ZNF644: variants seen among roughly 807,000 people sequenced by gnomAD.
ZNF644 encodes zinc finger protein 644.
ZNF644 carries 20 observed loss-of-function variants against 108.0 expected under a neutral mutation model. That is an observed-to-expected ratio of 0.19 (90% CI 0.13 to 0.27). ZNF644 has a LOEUF of 0.27. Among genes scored for constraint, ZNF644 ranks in the 10% least tolerant of loss-of-function variants. ZNF644 has a pLI of 1.00. For synonymous variants in ZNF644, 542 were observed against 539.1 expected (o/e 1.01, Z -0.08); for missense variants, 1,338 against 1,548.9 (o/e 0.86, Z 2.29).
chr1:90,939,835 A>T lies in ZNF644; in HGVS notation c.1519T>A (p.Cys507Ser). 6.2e-7 allele frequency: 1 copy of T among 1,614,000 alleles called. No homozygotes were observed. Among genetic ancestry groups the T allele is most frequent in the Non-Finnish European group, 8.5e-7 (1 of 1,179,928 alleles). Residue 507 changes from cysteine (C) to serine (S), a missense_variant, in exon 3 of 6, where the codon TGC (cysteine) becomes AGC (serine). Transcript: ENST00000337393. ...GCATGTTGCACAAATGTTTTAGGGC[A>T]ATTGGTACCAAACACACACTGAGGA... Reference protein sequence around the residue: ...QCPQCVFGTNCPKTFVQHAKT... With the variant: ...QCPQCVFGTNSPKTFVQHAKT...
chr1:90,998,692 G>T (rs938130311), intron 1 of ZNF644, among the ~76,000 whole-genome samples: 24 of 152,310 alleles, frequency 1.6e-4, no homozygotes, highest in African/African-American at 5.8e-4. Context: ...GAACAAAGCT[G>T]GACAGAGAAT....
Position 90,939,055 on chromosome 1 carries a change from T to C in ZNF644, c.2299A>G (p.Ser767Gly). 2 of 1,614,074 alleles carry C rather than the reference T, an allele frequency of 1.2e-6. No individual in the cohort carries two copies. Among genetic ancestry groups the C allele is most frequent in the East Asian group, 4.5e-5 (2 of 44,880 alleles). ...YPVHFKKEEA[S>G]SLNSLHLFSS... ...AACAGGTGTAAAGAATTTAATGAAC[T>C]AGCTTCTTCTTTTTTGAAATGCACA... Residue 767 changes from serine to glycine, a missense_variant, in exon 3 of 6, where the codon AGT becomes GGT. Ser to Gly is a moderately conservative substitution (Grantham distance 56). Around this residue, in one of 6 missense-constraint regions of ZNF644, gnomAD observed 462 missense variants for 472.6 expected, o/e 0.98. Transcript: ENST00000337393.
Position 90,938,682 on chromosome 1 carries a change from G to A in ZNF644, c.2672C>T (p.Pro891Leu). The change falls in exon 3 of 6, where the codon CCT (proline) becomes CTT (leucine). Residue 891 changes from proline (P) to leucine (L), a missense_variant. Pro to Leu is a moderately conservative substitution (Grantham distance 98). Coordinates refer to ENST00000337393, the MANE Select transcript of ZNF644 (RefSeq NM_201269.3). The surrounding 1 kb of genome is among the most constrained non-coding windows in gnomAD (Gnocchi z 4.2). The stretch of plus-strand genomic sequence containing the variant: ...ACCTTCCACTTTGCTCTTAAATAAA[G>A]GGAATAAATTTACATGCTCTTGATT... The part of the protein sequence containing the change: ...DINQEHVNLF[P>L]LFKSKVEGQE... 6.2e-7 allele frequency: 1 copy of A among 1,612,104 alleles called. No homozygotes were observed. Among genetic ancestry groups the A allele is most frequent in the Non-Finnish European group, 8.5e-7 (1 of 1,179,558 alleles).
At chr1:90,996,253 G>A (rs1047104266) in intron 1 of ZNF644, among the ~76,000 whole-genome samples, 1 of 152,102 alleles carries the variant, frequency 6.6e-6, no homozygotes, top group African/African-American at 2.4e-5. Context: ...TCAACAGTAG[G>A]ATATAAGCAA....
At chr1:91,012,863 G>A (rs1660084595) in intron 1 of ZNF644, among the ~76,000 whole-genome samples, 1 of 152,060 alleles carries the variant, frequency 6.6e-6, no homozygotes, top group African/African-American at 2.4e-5. Context: ...TTAAAAACAA[G>A]TAACCAATTA....
At chr1:90,956,383 G>A (rs1480058362) in intron 2 of ZNF644, among the ~76,000 whole-genome samples, 2 of 152,168 alleles carry the variant, frequency 1.3e-5, no homozygotes, top group Non-Finnish European at 2.9e-5. Flanking sequence ...TATACGAAAA[G>A]CACAATAAAT....
At chr1:90,968,433 G>T (rs552927913) in intron 2 of ZNF644, among the ~76,000 whole-genome samples, 6 of 152,210 alleles carry the variant, frequency 3.9e-5, no homozygotes, top group South Asian at 2.1e-4. Context: ...TCGGTTTTGG[G>T]GGGGGAGCCT....
At chr1:90,981,416 A>ACC (rs1019432065) in intron 2 of ZNF644, among the ~76,000 whole-genome samples, 8 of 152,084 alleles carry the variant, frequency 5.3e-5, no homozygotes, top group African/African-American at 1.9e-4. Flanking sequence ...ACATGCCCAA[A>ACC]CCACTGACTG....
chr1:90,944,009 T>A lies in ZNF644; in HGVS notation c.45-2700A>T, dbSNP rs944904629. On this transcript the variant is annotated intron_variant, in intron 2 of 5. Transcript: ENST00000337393. The stretch of plus-strand genomic sequence containing the variant: ...TATTATAATCACAGAGGTGGACAAA[T>A]ATATGCTAAGTCAATTTGAAAGCCT... Among the ~76,000 whole-genome samples, 3 of 152,202 alleles carry A rather than the reference T, an allele frequency of 2.0e-5. No homozygotes were observed. In the East Asian group the frequency reaches 5.8e-4, roughly 29 times the overall value.
intron 1 of ZNF644, among the ~76,000 whole-genome samples, chr1:90,983,667 C>G (rs1656799717): frequency 6.6e-6 from 1 of 152,070 alleles, no homozygotes; most frequent in Admixed American, 6.6e-5. Flanking sequence ...TGGCTCACAC[C>G]TGTAATCCCA....
In ZNF644 at chr1:90,969,148, A is replaced by G. The variant is rs554749444; in HGVS notation, c.44+13162T>C. The stretch of plus-strand genomic sequence containing the variant: ...TGTTGAAGCCCTAGTACAAAGTTAA[A>G]ATGAAGCCATTAGGGTAGGCCCTAA... On this transcript the variant is annotated intron_variant, in intron 2 of 5. Transcript: ENST00000337393. Among the ~76,000 whole-genome samples, 79 of 152,308 alleles carry G rather than the reference A, an allele frequency of 5.2e-4. 1 individual carries two copies. The South Asian group carries it at 0.015, about 29-fold the overall frequency.
chr1:90,984,148 G>A (rs922913341), intron 1 of ZNF644, among the ~76,000 whole-genome samples: 2 of 152,130 alleles, frequency 1.3e-5, no homozygotes, highest in Non-Finnish European at 1.5e-5. Context: ...CTGGCCTCCA[G>A]AACTGTGAGA....
chr1:90,917,005 C>T lies in ZNF644; in HGVS notation c.3792-15G>A. 1 of 1,613,690 alleles carries T rather than the reference C, an allele frequency of 6.2e-7. No homozygotes were observed. Among genetic ancestry groups the T allele is most frequent in the Admixed American group, 1.7e-5 (1 of 60,010 alleles). On this transcript the variant is annotated splice_polypyrimidine_tract_variant and intron_variant, in intron 5 of 5. Transcript: ENST00000337393. ...GGCCACAAAACCTACAGAAAGATAACAATTCTCTTAACATGACCAATTCTC... is the reference window on the plus strand; with the variant it reads ...GGCCACAAAACCTACAGAAAGATAATAATTCTCTTAACATGACCAATTCTC...
chr1:90,939,310 G>A lies in ZNF644; in HGVS notation c.2044C>T (p.His682Tyr). The change falls in exon 3 of 6, where the codon CAC becomes TAC. Residue 682 changes from histidine (H) to tyrosine (Y), a missense_variant. This residue lies in a region of ZNF644 where 462 missense variants were observed against 472.6 expected (regional missense o/e 0.98). Transcript: ENST00000337393. ...CTTTTCCGAGCTTTCTGTATTCTGT[G>A]TGGCCGCTTATGAATTTTTGAAAAA... ...SSFSKIHKRP[H>Y]RIQKARKSIA... 1 of 1,613,964 alleles carries A rather than the reference G, an allele frequency of 6.2e-7. No individual in the cohort carries two copies. Among genetic ancestry groups the A allele is most frequent in the Non-Finnish European group, 8.5e-7 (1 of 1,179,928 alleles).
At chr1:90,997,699 G>A (rs886169235) in intron 1 of ZNF644, among the ~76,000 whole-genome samples, 6 of 152,156 alleles carry the variant, frequency 3.9e-5, no homozygotes, top group African/African-American at 1.4e-4. Flanking sequence ...GGGAGTGGTG[G>A]ACAGTGGGTG....
In ZNF644 at chr1:90,939,223, T is replaced by C. The variant is rs377547958; in HGVS notation, c.2131A>G (p.Ile711Val). The change falls in exon 3 of 6, where the codon ATT becomes GTT. Residue 711 changes from isoleucine (I) to valine (V), a missense_variant. Physicochemically the swap from Ile to Val is conservative, Grantham distance 29. Around this residue, in one of 6 missense-constraint regions of ZNF644, gnomAD observed 462 missense variants for 472.6 expected, o/e 0.98. Transcript: ENST00000337393. ...GGTTTTTGGTCAACGCTGCTTTTAA[T>C]TGTAACATTCTTATGAGGAGAGCTG... is the stretch of plus-strand genomic sequence containing the variant. ...QNSSPHKNVT[I>V]KSSVDQKPKY... 266 of 1,614,058 alleles carry C rather than the reference T, an allele frequency of 1.6e-4. 3 individuals are homozygous for C. The South Asian group carries it at 2.1e-3, about 13-fold the overall frequency.
chr1:90,941,244 C>A lies in ZNF644; in HGVS notation c.110G>T (p.Gly37Val). 1 of 1,602,666 alleles carries A rather than the reference C, an allele frequency of 6.2e-7. No homozygotes were observed. Among genetic ancestry groups the A allele is most frequent in the Non-Finnish European group, 8.5e-7 (1 of 1,176,798 alleles). The stretch of plus-strand genomic sequence containing the variant: ...GTCATCTAGGAGTTCTTCTTTAGCA[C>A]CAGTAATATCGGTGTTTATCTTCAA... ...DDLKINTDITGAKEELLDDNN... is the reference protein window; with the variant it reads ...DDLKINTDITVAKEELLDDNN... The change falls in exon 3 of 6, where the codon GGT becomes GTT. Residue 37 changes from glycine (G) to valine (V), a missense_variant. Transcript: ENST00000337393.
At chr1:90,927,962 G>C (rs1650246206) in intron 4 of ZNF644, among the ~76,000 whole-genome samples, 1 of 151,892 alleles carries the variant, frequency 6.6e-6, no homozygotes, top group Non-Finnish European at 1.5e-5. Context: ...TCCTGCCTCA[G>C]CCTCCTGAGT....
chr1:90,926,035 A>G (rs1389354598), intron 4 of ZNF644, among the ~76,000 whole-genome samples: 2 of 152,088 alleles, frequency 1.3e-5, no homozygotes, highest in East Asian at 3.9e-4. Flanking sequence ...CTAAGAGTTA[A>G]AAAGAAACCA....
Sources: allele counts gnomAD v4.1 joint callset (sites outside exome capture counted in the v4.1 genomes callset), GRCh38; gene constraint gnomAD v4.1.1; regional missense constraint gnomAD v4.1.1; non-coding constraint Gnocchi (gnomAD v3.1); transcripts MANE v1.5; gene names NCBI Gene and HGNC (gene_info 2026-07-23, HGNC 2026-07-21).